The following CFAP47 variants were observed in gnomAD, a reference collection of about 807,000 sequenced individuals.
CFAP47 encodes the protein cilia and flagella associated protein 47, also known as cilia- and flagella-associated protein 47.
In CFAP47, 29 loss-of-function variants were observed where a neutral mutation model predicts 148.1. The ratio of observed to expected loss-of-function variants is 0.20; its 90% CI spans 0.15 to 0.27. The LOEUF (loss-of-function observed/expected upper bound fraction) is 0.27. CFAP47 is among the 10% of genes least tolerant of loss of function. The probability of loss-of-function intolerance (pLI) is 1.00; values close to 1 mark genes in which losing one functional copy is unlikely to be tolerated. For synonymous variants in CFAP47, 664 were observed against 577.3 expected (o/e 1.15, Z -2.15); for missense variants, 1,872 against 1,697.5 (o/e 1.10, Z -1.81).
At chrX:36,294,987 C>T (rs1036571253) in intron 51 of CFAP47, among the ~76,000 whole-genome samples, 21 of 111,290 alleles carry the variant, frequency 1.9e-4, no homozygotes, top group Non-Finnish European at 3.0e-4. Context: ...TTGTATTTCA[C>T]GGGATTAAAT....
chrX:35,941,556 C>T (rs970123409), intron 3 of CFAP47, among the ~76,000 whole-genome samples, 158 bp downstream of exon 3: 9 of 111,613 alleles, frequency 8.1e-5, no homozygotes, highest in Middle Eastern at 4.6e-3. Flanking sequence ...CTGTAAAAGA[C>T]TGATAGGCAA....
At chrX:36,324,631 G>A (rs1556012668) in intron 57 of CFAP47, among the ~76,000 whole-genome samples, 2 of 111,108 alleles carry the variant, frequency 1.8e-5, no homozygotes, top group Non-Finnish European at 3.8e-5. Context: ...TGTATGTGAA[G>A]ACATTTCTAA....
chrX:36,245,470 T>TA (rs782269271), intron 48 of CFAP47, among the ~76,000 whole-genome samples: 77 of 111,939 alleles, frequency 6.9e-4, no homozygotes, highest in African/African-American at 2.1e-3. Flanking sequence ...CAAGAAATGA[T>TA]AAAAAAACTT....
chrX:35,933,299 C>A (rs183415897), intron 2 of CFAP47, among the ~76,000 whole-genome samples: 181 of 107,937 alleles, frequency 1.7e-3, no homozygotes, highest in African/African-American at 5.6e-3. Context: ...ATTTTTAGAT[C>A]ACACAAATAA....
At position 36,303,940 on chromosome X, in the gene CFAP47, G is replaced by A; in HGVS notation, c.8062G>A (p.Asp2688Asn). Residue 2688 changes from aspartate to asparagine, a missense_variant, in exon 54 of 64, where the codon GAT (aspartate) becomes AAT (asparagine). Physicochemically the swap from Asp to Asn is conservative, Grantham distance 23 (BLOSUM62 1). Transcript: ENST00000378653. ...CAGTAATCCTGAAAATTTTGTCCTG[G>A]ATATTAACAGAAAATCACAAGTAAG... ...TNSNPENFVL[D>N]INRKSQLIIS... The A allele has an allele frequency of 9.3e-7, 1 of 1,078,078 alleles. No individual in the cohort carries two copies. The highest frequency in any genetic ancestry group is 2.1e-5 in the South Asian group (1 of 47,436). 88.8% of individuals were successfully genotyped at this position (1,078,078 alleles called of 1,213,427 possible).
At chrX:36,153,590 T>A (rs928795746) in intron 37 of CFAP47, among the ~76,000 whole-genome samples, 7 of 112,546 alleles carry the variant, frequency 6.2e-5, no homozygotes, top group Non-Finnish European at 7.5e-5. Context: ...TAGTGGGAAC[T>A]CTGCAGTGGC....
In CFAP47 at chrX:36,344,845, A is replaced by G. The variant is rs192122960; in HGVS notation, c.8444-3284A>G. On this transcript the variant is annotated intron_variant, in intron 57 of 63. Transcript: ENST00000378653. ...AACATATTTTAAAATGAATTAATCT[A>G]TAGTTTCCCTGAAATTAAACATAAT... 1.5e-3 allele frequency among the ~76,000 whole-genome samples: 172 copies of G among 112,147 alleles called. 1 individual carries two copies. The highest frequency in any genetic ancestry group is 2.7e-3 in the Admixed American group (28 of 10,530).
intron 29 of CFAP47, among the ~76,000 whole-genome samples, chrX:36,083,697 G>T (rs1269681600): frequency 9.0e-6 from 1 of 111,234 alleles, no homozygotes; most frequent in African/African-American, 3.3e-5. Flanking sequence ...TGATAGTGAT[G>T]GGTGAGACTT....
At chrX:36,326,269 A>G (rs1281286482) in intron 57 of CFAP47, among the ~76,000 whole-genome samples, 1 of 109,777 alleles carries the variant, frequency 9.1e-6, no homozygotes, top group African/African-American at 3.3e-5. Flanking sequence ...CTTTGCACTT[A>G]CAGAAGAATT....
intron 40 of CFAP47, among the ~76,000 whole-genome samples, chrX:36,186,705 C>A (rs1555985702): frequency 9.0e-6 from 1 of 111,254 alleles, no homozygotes; most frequent in African/African-American, 3.3e-5. Flanking sequence ...CAATCCAATG[C>A]CATTTTTATC....
At chrX:35,967,458 G>A (rs1936423270) in intron 9 of CFAP47, among the ~76,000 whole-genome samples, 161 bp from the exon 10 acceptor site, 1 of 110,431 alleles carries the variant, frequency 9.1e-6, no homozygotes, top group Non-Finnish European at 1.9e-5. Flanking sequence ...CTAAAATTGT[G>A]TAGGTCTTTT....
Position 35,975,899 on chromosome X carries a change from T to C in CFAP47, c.2699T>C (p.Ile900Thr), listed in dbSNP as rs143846832. 26 of 1,209,026 alleles carry C rather than the reference T, an allele frequency of 2.2e-5. No homozygotes were observed. The African/African-American group carries it at 4.2e-4, about 20-fold the overall frequency. ...ACAGGAAGAGGGATAGCATTTTCTA[T>C]TTGTCCAGCTAAAGGTAACAGTTTA... ...VNTGRGIAFS[I>T]CPAKGTVEAY... Residue 900 changes from isoleucine to threonine, a missense_variant, in exon 15 of 64, where the codon ATT (isoleucine) becomes ACT (threonine). Transcript: ENST00000378653.
intron 1 of CFAP47, among the ~76,000 whole-genome samples, chrX:35,923,336 A>G (rs760723025): frequency 5.4e-5 from 6 of 112,095 alleles, no homozygotes; most frequent in Admixed American, 4.8e-4. Flanking sequence ...ATAAGATAAT[A>G]CATGTAAAAT....
intron 57 of CFAP47, among the ~76,000 whole-genome samples, chrX:36,337,903 G>T (rs1040202387): frequency 1.2e-5 from 1 of 81,482 alleles, no homozygotes; most frequent in African/African-American, 5.1e-5. Flanking sequence ...GTCTCGCTCT[G>T]TCGCCCAGGC....
intron 30 of CFAP47, among the ~76,000 whole-genome samples, chrX:36,091,154 GC>G (rs767607458): frequency 1.8e-5 from 2 of 111,039 alleles, no homozygotes; most frequent in South Asian, 7.5e-4. Context: ...AACAGTCTCA[GC>G]CTTTAAAATG....
chrX:36,094,550 T>A (rs1231403960), intron 30 of CFAP47, among the ~76,000 whole-genome samples: 2 of 111,285 alleles, frequency 1.8e-5, no homozygotes, highest in Non-Finnish European at 3.8e-5. Flanking sequence ...ACATATTTCA[T>A]CAGTGATTTA....
At chrX:36,352,841 TTA>T (rs1171966592) in intron 59 of CFAP47, among the ~76,000 whole-genome samples, 142 of 108,986 alleles carry the variant, frequency 1.3e-3, no homozygotes, top group African/African-American at 4.0e-3. Flanking sequence ...TGAAATATAT[TTA>T]TATATATATA....
intron 37 of CFAP47, among the ~76,000 whole-genome samples, chrX:36,155,115 C>A (rs1325913223): frequency 9.0e-6 from 1 of 110,635 alleles, no homozygotes; most frequent in African/African-American, 3.3e-5. Flanking sequence ...ATATAAATTG[C>A]TAAGAGCACT....
intron 62 of CFAP47, among the ~76,000 whole-genome samples, chrX:36,369,290 T>C (rs782654656): frequency 6.3e-5 from 7 of 111,366 alleles, no homozygotes; most frequent in African/African-American, 2.3e-4. Flanking sequence ...TATTGAACCC[T>C]TATGGCCCTG....
Sources: gnomAD v4.1 joint callset for allele counts (sites outside exome capture counted in the v4.1 genomes callset) on GRCh38, gnomAD v4.1.1 for gene constraint, MANE v1.5 for transcripts, NCBI Gene and HGNC (gene_info 2026-07-23, HGNC 2026-07-21) for gene names.